The following MROH9 variants were observed in gnomAD, a reference collection of about 807,000 sequenced individuals.
MROH9 encodes the protein maestro heat-like repeat-containing protein family member 9.
Under a neutral mutation model 98.2 loss-of-function variants are expected in MROH9, and 92 were observed. That is an observed-to-expected ratio of 0.94 (90% CI 0.79 to 1.11). MROH9 has a LOEUF of 1.11. MROH9 is among the 50% of genes most tolerant of loss of function. MROH9 has a pLI of 0.00. For missense variants in MROH9, 1,057 were observed against 1,014.8 expected, an observed-to-expected ratio of 1.04 and a Z score of -0.57; for synonymous variants, 397 against 368.9, an observed-to-expected ratio of 1.08 and a Z score of -0.87.
At chr1:171,024,284 ATATAG>A (rs1652622884) in intron 17 of MROH9, 106 bp from the exon 18 acceptor site, 4 of 742,348 alleles carry the variant, frequency 5.4e-6, no homozygotes, top group African/African-American at 4.0e-5. Context: ...ACATATACAT[ATATAG>A]TATATTTATA....
intron 1 of MROH9, among the ~76,000 whole-genome samples, chr1:170,939,619 G>A (rs148005366): frequency 3.9e-5 from 6 of 152,264 alleles, no homozygotes; most frequent in African/African-American, 1.4e-4. Context: ...ATTTACTTGT[G>A]CCTTCAAGAC....
In MROH9 at chr1:170,965,246, C is replaced by G; in HGVS notation, c.471C>G (p.Val157=). 5 of 1,602,972 alleles carry G rather than the reference C, an allele frequency of 3.1e-6. No homozygotes were observed. The highest frequency in any genetic ancestry group is 4.3e-6 in the Non-Finnish European group (5 of 1,170,382). ...NKVLRFTVTK[V]RKYISVDAPC... Reference sequence around the variant, plus strand: ...TGTTAAGATTTACAGTCACAAAAGTCAGAAAATACGTAAGTCACAGAATAT... The same window carrying G: ...TGTTAAGATTTACAGTCACAAAAGTGAGAAAATACGTAAGTCACAGAATAT... The change falls in exon 7 of 22, where the codon GTC becomes GTG. Residue 157 remains valine, a synonymous_variant. Coordinates refer to ENST00000367759, the MANE Select transcript of MROH9 (RefSeq NM_001163629.2).
chr1:170,994,560 A>T (rs1442830087), intron 12 of MROH9, among the ~76,000 whole-genome samples: 1 of 152,166 alleles, frequency 6.6e-6, no homozygotes, highest in Non-Finnish European at 1.5e-5. Context: ...TACGCACATC[A>T]TAGAGAATGG....
chr1:170,969,551 C>T (rs1650360707), intron 7 of MROH9, among the ~76,000 whole-genome samples: 1 of 152,158 alleles, frequency 6.6e-6, no homozygotes, highest in Non-Finnish European at 1.5e-5. Flanking sequence ...GACAATGTCT[C>T]AAACTGATGT....
intron 20 of MROH9, among the ~76,000 whole-genome samples, chr1:171,029,394 G>A (rs963458637): frequency 1.3e-5 from 2 of 152,008 alleles, no homozygotes; most frequent in South Asian, 4.1e-4. Context: ...ATTTTTAGTA[G>A]AGACGAGGTT....
At chr1:170,970,729 TGTGAGAGAGAGAGA>T (rs1196743285) in intron 7 of MROH9, among the ~76,000 whole-genome samples, 18 of 102,150 alleles carry the variant, frequency 1.8e-4, no homozygotes, top group African/African-American at 6.4e-4. Flanking sequence ...TGTGTGTGTG[TGTGAGAGAGAGAGA>T]GAGAGAGAGA....
chr1:170,979,971 T>C (rs1650862280), intron 8 of MROH9, among the ~76,000 whole-genome samples: 1 of 152,118 alleles, frequency 6.6e-6, no homozygotes, highest in Non-Finnish European at 1.5e-5. Context: ...AAATCATGAA[T>C]GGACTCCCAT....
At chr1:171,023,802 C>CATT (rs10694057) in intron 17 of MROH9, among the ~76,000 whole-genome samples, 145,904 of 152,040 alleles carry the variant, frequency 0.96, 70,080 homozygotes, top group East Asian at 1. Context: ...GTATACATTA[C>CATT]ATTAACTATA....
intron 20 of MROH9, among the ~76,000 whole-genome samples, chr1:171,040,052 AAG>A (rs1653246525): frequency 6.6e-6 from 1 of 152,128 alleles, no homozygotes; most frequent in Admixed American, 6.6e-5. Context: ...AGGGGAAAAC[AAG>A]AGACAACATA....
At chr1:171,028,749 T>C (rs1652810736) in intron 20 of MROH9, among the ~76,000 whole-genome samples, 1 of 152,208 alleles carries the variant, frequency 6.6e-6, no homozygotes, top group South Asian at 2.1e-4. Flanking sequence ...TCACATTTCT[T>C]GTTAGCTGTA....
Position 170,992,274 on chromosome 1 carries a change from C to A in MROH9, c.1139C>A (p.Thr380Asn), listed in dbSNP as rs1243127354. Residue 380 changes from threonine to asparagine, a missense_variant, in exon 12 of 22, where the codon ACC becomes AAC. Thr to Asn is a moderately conservative substitution (Grantham distance 65). Coordinates refer to ENST00000367759, the MANE Select transcript of MROH9 (RefSeq NM_001163629.2). ...LKGKPGEMED[T>N]VTEGKRFSLD... ...GGAAAGCCTGGGGAAATGGAGGACACCGTAACGGAAGGGAAACGTTTCTCT... is the reference window on the plus strand; with the variant it reads ...GGAAAGCCTGGGGAAATGGAGGACAACGTAACGGAAGGGAAACGTTTCTCT... The A allele has an allele frequency of 1.2e-5, 20 of 1,613,382 alleles. No homozygotes were observed. Among genetic ancestry groups the A allele is most frequent in the Admixed American group, 1.7e-5 (1 of 59,906 alleles).
At chr1:171,035,587 GA>G (rs907711104) in intron 20 of MROH9, among the ~76,000 whole-genome samples, 3 of 151,790 alleles carry the variant, frequency 2.0e-5, no homozygotes, top group Non-Finnish European at 4.4e-5. Context: ...AAATTTATAA[GA>G]AAAAAACCAC....
chr1:170,972,366 G>A (rs908644443), intron 8 of MROH9, among the ~76,000 whole-genome samples: 1 of 152,166 alleles, frequency 6.6e-6, no homozygotes, highest in Non-Finnish European at 1.5e-5. Context: ...TAATTTAATT[G>A]CATTTTAGAA....
chr1:170,951,970 AT>A (rs1442697422), intron 3 of MROH9, among the ~76,000 whole-genome samples: 2 of 151,980 alleles, frequency 1.3e-5, no homozygotes, highest in Non-Finnish European at 2.9e-5. Context: ...AAAAGAAGAC[AT>A]TTATGCAGCC....
intron 6 of MROH9, among the ~76,000 whole-genome samples, chr1:170,964,478 A>T (rs1037815153): frequency 6.6e-6 from 1 of 152,066 alleles, no homozygotes; most frequent in East Asian, 1.9e-4. Flanking sequence ...AATATAGTAG[A>T]CCCTGACAGA....
chr1:171,019,520 C>T (rs1277846470), intron 17 of MROH9, among the ~76,000 whole-genome samples: 1 of 151,958 alleles, frequency 6.6e-6, no homozygotes, highest in Non-Finnish European at 1.5e-5. Context: ...GCTGTGGTGG[C>T]ACATGCCTGT....
chr1:170,970,032 A>T (rs1169598821), intron 7 of MROH9, among the ~76,000 whole-genome samples: 1 of 152,128 alleles, frequency 6.6e-6, no homozygotes, highest in African/African-American at 2.4e-5. Flanking sequence ...TGGTGACAGT[A>T]AGTGGATATG....
At chr1:171,008,278 TC>T (rs1330022966) in intron 15 of MROH9, among the ~76,000 whole-genome samples, 1 of 152,172 alleles carries the variant, frequency 6.6e-6, no homozygotes, top group Non-Finnish European at 1.5e-5. Flanking sequence ...TATATAATGG[TC>T]ACAGATAGCC....
At chr1:171,031,781 C>G (rs1181527498) in intron 20 of MROH9, among the ~76,000 whole-genome samples, 1 of 152,078 alleles carries the variant, frequency 6.6e-6, no homozygotes, top group African/African-American at 2.4e-5. Context: ...CATGGAGTAT[C>G]TTAGTGGTGT....
Sources: gnomAD v4.1 joint callset for allele counts (sites outside exome capture counted in the v4.1 genomes callset) on GRCh38, gnomAD v4.1.1 for gene constraint, MANE v1.5 for transcripts, NCBI Gene and HGNC (gene_info 2026-07-23, HGNC 2026-07-21) for gene names.